Variants in FSD1L observed in about 807,000 individuals in gnomAD.
The protein encoded by FSD1L is FSD1-like protein.
In FSD1L, 45 loss-of-function variants were observed where a neutral mutation model predicts 71.6. That is an observed-to-expected ratio of 0.63 (90% CI 0.49 to 0.81). The LOEUF is 0.81. FSD1L is among the 30% of genes least tolerant of loss of function. The pLI is 0.00. For synonymous variants in FSD1L, 197 were observed against 207.2 expected, an observed-to-expected ratio of 0.95 and a Z score of 0.42; for missense variants, 561 against 618.1, an observed-to-expected ratio of 0.91 and a Z score of 0.98.
chr9:105,446,531 ATT>A (rs113095314), upstream of FSD1L, among the ~76,000 whole-genome samples: 1 of 144,450 alleles, frequency 6.9e-6, no homozygotes, highest in Non-Finnish European at 1.5e-5. Context: ...CGTCTGGCTA[ATT>A]TTTTTTTTTT....
chr9:105,530,527 GT>G, intron 10 of FSD1L: 1 of 671,316 alleles, frequency 1.5e-6, no homozygotes, highest in South Asian at 1.7e-5. Context: ...TTTAAAAATT[GT>G]TTTTCTGTTA....
chr9:105,442,975 T>C (rs1290679906), upstream of FSD1L, among the ~76,000 whole-genome samples: 2 of 152,224 alleles, frequency 1.3e-5, no homozygotes, highest in Non-Finnish European at 2.9e-5. Flanking sequence ...CTAAAGAAAT[T>C]TGAAGGCAAT....
chr9:105,485,533 GTTTTTTTTT>G (rs34268568), intron 7 of FSD1L, among the ~76,000 whole-genome samples: 1 of 79,406 alleles, frequency 1.3e-5, no homozygotes, highest in East Asian at 4.2e-4. Flanking sequence ...TTGGTTAGGT[GTTTTTTTTT>G]TTTTTTTTTT....
At chr9:105,443,639 A>G (rs1034298234), upstream of FSD1L, among the ~76,000 whole-genome samples, 4 of 152,188 alleles carry the variant, frequency 2.6e-5, no homozygotes, top group Non-Finnish European at 4.4e-5. Flanking sequence ...AGAAAAGGGC[A>G]GGAAAAACAA....
chr9:105,496,964 G>T (rs1234586974), intron 7 of FSD1L, among the ~76,000 whole-genome samples: 1 of 152,152 alleles, frequency 6.6e-6, no homozygotes, highest in Admixed American at 6.5e-5. Context: ...AACATTTTGA[G>T]TTTCTCTCCA....
intron 1 of FSD1L, among the ~76,000 whole-genome samples, chr9:105,453,334 A>G (rs909850351): frequency 1.6e-4 from 24 of 152,004 alleles, no homozygotes; most frequent in African/African-American, 4.8e-4. Context: ...GGCGCCCGCC[A>G]CCACACTCAG....
upstream of FSD1L, chr9:105,447,751 T>A: frequency 4.5e-6 from 1 of 221,300 alleles, no homozygotes; most frequent in Non-Finnish European, 8.9e-6. Context: ...TTCAGATGCG[T>A]GCTGGGTGGA....
intron 5 of FSD1L, among the ~76,000 whole-genome samples, chr9:105,475,846 A>G (rs1831759638): frequency 6.6e-6 from 1 of 152,210 alleles, no homozygotes; most frequent in African/African-American, 2.4e-5. Context: ...AGTTCCTTTT[A>G]TGAACAGATA....
At chr9:105,469,528 G>A (rs1448061148) in intron 4 of FSD1L, among the ~76,000 whole-genome samples, 2 of 151,732 alleles carry the variant, frequency 1.3e-5, no homozygotes, top group African/African-American at 4.8e-5. Flanking sequence ...TGGTGATGTT[G>A]AGCATCTCTT....
intron 10 of FSD1L, chr9:105,525,779 T>G (rs2518112): frequency 0.64 from 1,032,131 of 1,605,852 alleles, 333,719 homozygotes; most frequent in African/African-American, 0.75. Context: ...GGTCTTGGTT[T>G]GGAGGTAAAT....
intron 10 of FSD1L, among the ~76,000 whole-genome samples, chr9:105,518,316 A>T (rs1007411093): frequency 5.9e-5 from 9 of 152,254 alleles, no homozygotes; most frequent in Non-Finnish European, 1.3e-4. Context: ...CGGACGTAAT[A>T]GACATCTATA....
intron 10 of FSD1L, among the ~76,000 whole-genome samples, chr9:105,517,990 A>G (rs1834842152): frequency 6.6e-6 from 1 of 152,232 alleles, no homozygotes; most frequent in Admixed American, 6.5e-5. Context: ...TGGAAAGCAG[A>G]AAAAAGCAGG....
chr9:105,457,197 C>G (rs1830411575), intron 1 of FSD1L, among the ~76,000 whole-genome samples: 1 of 152,156 alleles, frequency 6.6e-6, no homozygotes, highest in African/African-American at 2.4e-5. Context: ...GGTAGAGAAA[C>G]TGATAAGTGA....
intron 7 of FSD1L, among the ~76,000 whole-genome samples, chr9:105,493,770 G>C (rs1194067974): frequency 3.9e-5 from 6 of 152,004 alleles, no homozygotes; most frequent in African/African-American, 1.4e-4. Context: ...AGCTTAGTTT[G>C]GCTGGATATG....
At chr9:105,492,578 T>G (rs867623005) in intron 7 of FSD1L, among the ~76,000 whole-genome samples, 3 of 152,180 alleles carry the variant, frequency 2.0e-5, no homozygotes, top group African/African-American at 7.2e-5. Flanking sequence ...TCTAGTTCTT[T>G]TAATTGTGAT....
At chr9:105,496,960 T>C (rs948043123) in intron 7 of FSD1L, among the ~76,000 whole-genome samples, 1 of 152,360 alleles carries the variant, frequency 6.6e-6, no homozygotes, top group South Asian at 2.1e-4. Flanking sequence ...TGGAAACATT[T>C]TGAGTTTCTC....
At chr9:105,523,743 C>T (rs1422063190) in intron 10 of FSD1L, 2 of 1,596,316 alleles carry the variant, frequency 1.3e-6, no homozygotes, top group African/African-American at 2.7e-5. Context: ...AGATGTTTCT[C>T]CAAATAGAGA....
In FSD1L at chr9:105,546,570, A is replaced by C; in HGVS notation, c.*87A>C. On this transcript the variant is annotated 3_prime_UTR_variant, in exon 14 of 14. Coordinates refer to ENST00000481272, the MANE Select transcript of FSD1L (RefSeq NM_001145313.3). ...AATCACAGGAATTTGGTAGTAGTGA[A>C]AATCAGGTTTGCTGTGTTCTGCTTT... 1 of 1,355,096 alleles carries C rather than the reference A, an allele frequency of 7.4e-7. No individual in the cohort carries two copies. The highest frequency in any genetic ancestry group is 1.6e-5 in the South Asian group (1 of 62,202). 83.9% of individuals were successfully genotyped at this position (1,355,096 alleles called of 1,614,324 possible).
chr9:105,541,637 C>A (rs1424690860), intron 13 of FSD1L, among the ~76,000 whole-genome samples: 1 of 151,928 alleles, frequency 6.6e-6, no homozygotes, highest in Non-Finnish European at 1.5e-5. Context: ...GTTTTGTGTA[C>A]AAGATTAATT....
Sources: allele counts gnomAD v4.1 joint callset (sites outside exome capture counted in the v4.1 genomes callset), GRCh38; gene constraint gnomAD v4.1.1; transcripts MANE v1.5; gene names NCBI Gene and HGNC (gene_info 2026-07-23, HGNC 2026-07-21).